The following WWOX variants were observed in gnomAD, a reference collection of about 807,000 sequenced individuals.
WWOX encodes the protein WW domain containing oxidoreductase, also known as WW domain-containing oxidoreductase.
WWOX carries 69 observed loss-of-function variants against 46.2 expected under a neutral mutation model. That is an observed-to-expected ratio of 1.49 (90% CI 1.23 to 1.82). The LOEUF (loss-of-function observed/expected upper bound fraction) is 1.82. Among genes scored for constraint, WWOX ranks in the 40% most tolerant of loss-of-function variants. The pLI is 0.00. For missense variants in WWOX, 919 were observed against 542.6 expected, an observed-to-expected ratio of 1.69 and a Z score of -6.89; for synonymous variants, 359 against 202.6, an observed-to-expected ratio of 1.77 and a Z score of -6.56.
chr16:78,106,702 C>T (rs565338104), intron 1 of WWOX, among the ~76,000 whole-genome samples: 29 of 152,274 alleles, frequency 1.9e-4, no homozygotes, highest in African/African-American at 6.5e-4. Flanking sequence ...AGACATGAGC[C>T]ACCGCGCCCG....
Position 78,672,629 on chromosome 16 carries a change from C to G in WWOX, c.1056+239877C>G, listed in dbSNP as rs117515092. 1.9e-3 allele frequency among the ~76,000 whole-genome samples: 291 copies of G among 152,274 alleles called. 2 individuals are homozygous for G. The highest frequency in any genetic ancestry group is 9.7e-4 in the East Asian group (5 of 5,176). Reference sequence around the variant, plus strand: ...TTGCAACTTGCAGAACCAGATCTTACCATTTGCAAGGAGAATAGCTGAAAA... The same window carrying G: ...TTGCAACTTGCAGAACCAGATCTTAGCATTTGCAAGGAGAATAGCTGAAAA... On this transcript the variant is annotated intron_variant, in intron 8 of 8. Transcript: ENST00000566780.
intron 3 of WWOX, among the ~76,000 whole-genome samples, chr16:78,111,503 GC>G (rs746558181): frequency 3.3e-5 from 5 of 152,176 alleles, no homozygotes; most frequent in Non-Finnish European, 5.9e-5. Flanking sequence ...CTGCTTGAGG[GC>G]TCCTTGGTCA....
chr16:78,234,747 A>G (rs980244732), intron 5 of WWOX, among the ~76,000 whole-genome samples: 2 of 151,958 alleles, frequency 1.3e-5, no homozygotes, highest in African/African-American at 4.8e-5. Flanking sequence ...ACAAGTCTCT[A>G]TTTTTAAAAT....
intron 5 of WWOX, among the ~76,000 whole-genome samples, chr16:78,344,052 C>T (rs62034410): frequency 0.082 from 9,641 of 118,290 alleles, 2,932 homozygotes; most frequent in Middle Eastern, 0.17. Context: ...TCCTCACCAT[C>T]AAGAAATGTT....
At chr16:78,948,356 A>T (rs188035445) in intron 8 of WWOX, among the ~76,000 whole-genome samples, 4 of 152,150 alleles carry the variant, frequency 2.6e-5, no homozygotes, top group Admixed American at 1.3e-4. Context: ...CGTCTTCCTG[A>T]TGTTGCATAG....
intron 8 of WWOX, among the ~76,000 whole-genome samples, chr16:78,464,049 A>G (rs559728540): frequency 6.6e-6 from 1 of 152,254 alleles, no homozygotes; most frequent in South Asian, 2.1e-4. Flanking sequence ...AGAGGAGATG[A>G]AGCTGATCAG....
chr16:78,736,761 G>A (rs917862746), intron 8 of WWOX, among the ~76,000 whole-genome samples: 6 of 151,978 alleles, frequency 3.9e-5, no homozygotes, highest in Non-Finnish European at 7.4e-5. Flanking sequence ...CTCCACATCT[G>A]ACTAATTACT....
intron 8 of WWOX, among the ~76,000 whole-genome samples, chr16:78,578,284 ATTTTTT>A (rs1172203878): frequency 3.8e-4 from 8 of 20,842 alleles, no homozygotes; most frequent in Admixed American, 1.5e-3. Flanking sequence ...ATATATATAT[ATTTTTT>A]TTTTTTTTTT....
chr16:78,360,554 C>G (rs981788225), intron 5 of WWOX, among the ~76,000 whole-genome samples: 6 of 140,770 alleles, frequency 4.3e-5, no homozygotes, highest in African/African-American at 1.1e-4. Context: ...CCACTGCACT[C>G]CAGTCTGGGC....
At chr16:78,998,320 C>G (rs890715061) in intron 8 of WWOX, among the ~76,000 whole-genome samples, 1 of 152,204 alleles carries the variant, frequency 6.6e-6, no homozygotes, top group African/African-American at 2.4e-5. Flanking sequence ...CCCTTCTCCA[C>G]TGGGCTCTGA....
At chr16:78,527,787 C>T (rs71396189) in intron 8 of WWOX, among the ~76,000 whole-genome samples, 4 of 151,070 alleles carry the variant, frequency 2.6e-5, no homozygotes, top group South Asian at 2.1e-4. Flanking sequence ...CTGGAGACAT[C>T]TGGGGTTGTC....
At position 78,435,126 on chromosome 16, in the gene WWOX, G is replaced by T. The variant is rs115254685; in HGVS notation, c.1056+2374G>T. Among the ~76,000 whole-genome samples the T allele has an allele frequency of 1.6e-3, 250 of 152,274 alleles. 1 individual carries two copies. Among genetic ancestry groups the T allele is most frequent in the African/African-American group, 5.8e-3 (239 of 41,550 alleles). On this transcript the variant is annotated intron_variant, in intron 8 of 8. Coordinates refer to ENST00000566780, the MANE Select transcript of WWOX (RefSeq NM_016373.4). ...GGAGTGTTAGCTGTTTTGGGAGTACGTGTGCTCAGGACTTGGGCTGAGTGG... is the reference window on the plus strand; with the variant it reads ...GGAGTGTTAGCTGTTTTGGGAGTACTTGTGCTCAGGACTTGGGCTGAGTGG...
intron 8 of WWOX, among the ~76,000 whole-genome samples, chr16:79,209,999 A>G (rs1263646488): frequency 6.6e-6 from 1 of 152,208 alleles, no homozygotes. Flanking sequence ...ATGGAGGGAG[A>G]TTGGGGAGGT....
At chr16:78,352,751 A>T (rs933477894) in intron 5 of WWOX, among the ~76,000 whole-genome samples, 57 of 152,116 alleles carry the variant, frequency 3.7e-4, no homozygotes, top group African/African-American at 1.3e-3. Context: ...TTCCACATAC[A>T]GCAGTACCTA....
intron 8 of WWOX, among the ~76,000 whole-genome samples, chr16:78,506,728 T>TTTTTTTTTTTTTTTTTG (rs1330915138): frequency 4.3e-5 from 4 of 93,594 alleles, no homozygotes; most frequent in Non-Finnish European, 9.0e-5. Flanking sequence ...TTTTTTTTTT[T>TTTTTTTTTTTTTTTTTG]GTACAGAGTC....
intron 8 of WWOX, among the ~76,000 whole-genome samples, chr16:78,549,555 G>A (rs1299598369): frequency 6.6e-6 from 1 of 152,032 alleles, no homozygotes; most frequent in Non-Finnish European, 1.5e-5. Flanking sequence ...TCTTAAATCA[G>A]TCACTTGGCA....
chr16:78,296,148 T>A (rs1282500253), intron 5 of WWOX, among the ~76,000 whole-genome samples: 2 of 152,236 alleles, frequency 1.3e-5, no homozygotes, highest in African/African-American at 2.4e-5. Context: ...GTTGTAAATA[T>A]GAGTTCTGTA....
intron 5 of WWOX, among the ~76,000 whole-genome samples, chr16:78,336,089 C>T (rs13337702): frequency 0.072 from 10,894 of 151,402 alleles, 1,149 homozygotes; most frequent in African/African-American, 0.23. Flanking sequence ...CAGAGTCTGT[C>T]TCAAAAAACG....
intron 8 of WWOX, among the ~76,000 whole-genome samples, chr16:78,588,560 G>C (rs1567664022): frequency 6.6e-6 from 1 of 152,186 alleles, no homozygotes; most frequent in Admixed American, 6.5e-5. Context: ...AGAGCTTGCA[G>C]AAGCTGCCTG....
Sources: gnomAD v4.1 joint callset for allele counts (sites outside exome capture counted in the v4.1 genomes callset) on GRCh38, gnomAD v4.1.1 for gene constraint, MANE v1.5 for transcripts, NCBI Gene and HGNC (gene_info 2026-07-23, HGNC 2026-07-21) for gene names.